The following SLC71A2 variants were observed in gnomAD, a reference collection of about 807,000 sequenced individuals.
The protein encoded by SLC71A2 is solute carrier family 71 member 2.
the SLC71A2 span, among the ~76,000 whole-genome samples, chr9:94,377,733 A>G: frequency 6.6e-6 from 1 of 151,714 alleles, no homozygotes; most frequent in South Asian, 2.1e-4. Flanking sequence ...CCAGAAAAAG[A>G]TACTGGCAGA....
At chr9:94,424,713 C>T in the SLC71A2 span, among the ~76,000 whole-genome samples, 3 of 137,770 alleles carry the variant, frequency 2.2e-5, no homozygotes, top group African/African-American at 8.2e-5. Context: ...GAAGAATGGA[C>T]ATATTGTTTT....
the SLC71A2 span, among the ~76,000 whole-genome samples, chr9:94,407,956 A>G: frequency 2.0e-5 from 3 of 152,134 alleles, no homozygotes; most frequent in Non-Finnish European, 4.4e-5. Flanking sequence ...TCTGTTAGTC[A>G]GTCAGCCATC....
the SLC71A2 span, chr9:94,459,333 T>C: frequency 6.8e-6 from 11 of 1,614,008 alleles, no homozygotes; most frequent in Non-Finnish European, 8.5e-6. Context: ...GATGAGGACA[T>C]TGAGCCACTA....
chr9:94,444,609 A>C, the SLC71A2 span, among the ~76,000 whole-genome samples: 1 of 152,208 alleles, frequency 6.6e-6, no homozygotes, highest in Non-Finnish European at 1.5e-5. Flanking sequence ...GTCCCCAGTT[A>C]AAGAAGACCA....
the SLC71A2 span, among the ~76,000 whole-genome samples, chr9:94,414,241 C>T: frequency 2.1e-4 from 32 of 152,144 alleles, no homozygotes; most frequent in African/African-American, 7.5e-4. Context: ...AAAAAGTTCA[C>T]TCTGAGTGTA....
chr9:94,423,376 C>T, the SLC71A2 span, among the ~76,000 whole-genome samples: 9 of 151,820 alleles, frequency 5.9e-5, no homozygotes, highest in African/African-American at 1.7e-4. Flanking sequence ...AACCAAGCCA[C>T]GTGTGCCCTG....
chr9:94,436,135 TTGTTG>T, the SLC71A2 span, among the ~76,000 whole-genome samples: 1 of 152,234 alleles, frequency 6.6e-6, no homozygotes, highest in Non-Finnish European at 1.5e-5. Flanking sequence ...GTATTTTTTA[TTGTTG>T]TGTTCTTATT....
the SLC71A2 span, among the ~76,000 whole-genome samples, chr9:94,427,619 C>T: frequency 8.0e-6 from 1 of 125,268 alleles, no homozygotes; most frequent in East Asian, 2.0e-4. Flanking sequence ...AGGGAAGGAT[C>T]AGCACTGCTG....
chr9:94,459,232 A>C, the SLC71A2 span: 3 of 1,614,112 alleles, frequency 1.9e-6, no homozygotes, highest in Non-Finnish European at 2.5e-6. Flanking sequence ...TGGTTGCCTT[A>C]TTCATTCCTG....
At chr9:94,404,059 A>G in the SLC71A2 span, among the ~76,000 whole-genome samples, 2 of 152,132 alleles carry the variant, frequency 1.3e-5, no homozygotes, top group African/African-American at 4.8e-5. Flanking sequence ...CTGCTTTGTG[A>G]GGATGCTGTA....
At chr9:94,384,336 CTTTTTTT>C in the SLC71A2 span, among the ~76,000 whole-genome samples, 8 of 133,296 alleles carry the variant, frequency 6.0e-5, no homozygotes, top group East Asian at 2.1e-4. Context: ...TCAAATTTTC[CTTTTTTT>C]TTTTTTTTTT....
At chr9:94,424,727 C>CTTTTTTTTTT in the SLC71A2 span, among the ~76,000 whole-genome samples, 55 of 91,814 alleles carry the variant, frequency 6.0e-4, 1 homozygote, top group African/African-American at 1.2e-3. Context: ...TTGTTTTCTG[C>CTTTTTTTTTT]TTTTTTTTTT....
the SLC71A2 span, among the ~76,000 whole-genome samples, chr9:94,455,156 C>CTTTTTT: frequency 1.4e-3 from 38 of 27,676 alleles, 2 homozygotes; most frequent in Non-Finnish European, 1.8e-3. Flanking sequence ...TTGCTCTTTC[C>CTTTTTT]TTTTTTTTTT....
chr9:94,452,155 C>G, the SLC71A2 span, among the ~76,000 whole-genome samples: 1 of 152,174 alleles, frequency 6.6e-6, no homozygotes, highest in Non-Finnish European at 1.5e-5. Context: ...TAATCTATCT[C>G]TGGATTGCAA....
chr9:94,452,158 G>A, the SLC71A2 span, among the ~76,000 whole-genome samples: 2 of 152,144 alleles, frequency 1.3e-5, no homozygotes, highest in Non-Finnish European at 2.9e-5. Context: ...TCTATCTCTG[G>A]ATTGCAAAAT....
the SLC71A2 span, chr9:94,459,437 A>T: frequency 6.2e-7 from 1 of 1,611,432 alleles, no homozygotes; most frequent in Non-Finnish European, 8.5e-7. Context: ...GGGATTCTGC[A>T]TACGCCATCT....
At chr9:94,439,679 G>C in the SLC71A2 span, among the ~76,000 whole-genome samples, 1 of 151,404 alleles carries the variant, frequency 6.6e-6, no homozygotes, top group African/African-American at 2.4e-5. Context: ...AGAATTTTTT[G>C]GTATTGAGTC....
the SLC71A2 span, among the ~76,000 whole-genome samples, chr9:94,395,860 A>G: frequency 6.6e-6 from 1 of 152,192 alleles, no homozygotes; most frequent in Non-Finnish European, 1.5e-5. Context: ...GCAGTTAATG[A>G]AACATGAACA....
the SLC71A2 span, among the ~76,000 whole-genome samples, chr9:94,409,495 G>A: frequency 6.6e-6 from 1 of 151,972 alleles, no homozygotes; most frequent in African/African-American, 2.4e-5. Context: ...TATCACGTTT[G>A]TATCTGCTCT....
Sources: allele counts gnomAD v4.1 joint callset (sites outside exome capture counted in the v4.1 genomes callset), GRCh38; gene constraint gnomAD v4.1.1; transcripts MANE v1.5; gene names NCBI Gene and HGNC (gene_info 2026-07-23, HGNC 2026-07-21).